EHBP1: variants seen among roughly 807,000 people sequenced by gnomAD.
EHBP1 encodes EH domain binding protein 1, also known as EH domain-binding protein 1.
In EHBP1, 55 loss-of-function variants were observed where a neutral mutation model predicts 144.0. The observed-to-expected ratio is 0.38, with a 90% CI of 0.31 to 0.48. EHBP1 has a LOEUF of 0.48. Among genes scored for constraint, EHBP1 ranks in the 20% least tolerant of loss-of-function variants. The pLI is 0.98. For synonymous variants in EHBP1, 469 were observed against 472.7 expected, an observed-to-expected ratio of 0.99 and a Z score of 0.10; for missense variants, 1,200 against 1,364.2, an observed-to-expected ratio of 0.88 and a Z score of 1.90.
At chr2:63,031,251 G>A (rs1276493419) in intron 19 of EHBP1, among the ~76,000 whole-genome samples, 1 of 152,172 alleles carries the variant, frequency 6.6e-6, no homozygotes, top group Non-Finnish European at 1.5e-5. Context: ...GAGTCAGCCA[G>A]ATGCAGCCCA....
At chr2:62,911,021 G>A (rs754607136) in intron 10 of EHBP1, among the ~76,000 whole-genome samples, 2 of 152,130 alleles carry the variant, frequency 1.3e-5, no homozygotes, top group African/African-American at 2.4e-5. Context: ...GCTTTCATAC[G>A]ATGTTCTTTC....
chr2:62,928,951 A>G (rs2055758511), intron 10 of EHBP1, among the ~76,000 whole-genome samples: 1 of 152,148 alleles, frequency 6.6e-6, no homozygotes, highest in Admixed American at 6.5e-5. Flanking sequence ...AGAAAGTACT[A>G]AGTAATTCTA....
chr2:62,938,915 G>A (rs1469684513), intron 10 of EHBP1, among the ~76,000 whole-genome samples: 1 of 152,142 alleles, frequency 6.6e-6, no homozygotes, highest in Admixed American at 6.6e-5. Flanking sequence ...AATTCCTGCT[G>A]ATAATGCATT....
intron 5 of EHBP1, among the ~76,000 whole-genome samples, chr2:62,809,831 T>TAGCCTCC (rs1233919173): frequency 5.3e-5 from 8 of 152,200 alleles, no homozygotes; most frequent in Admixed American, 3.3e-4. Flanking sequence ...ACCTAGCCTC[T>TAGCCTCC]ACAAAATACC....
intron 13 of EHBP1, among the ~76,000 whole-genome samples, chr2:62,949,494 G>T (rs2057265199): frequency 6.6e-6 from 1 of 152,000 alleles, no homozygotes; most frequent in Non-Finnish European, 1.5e-5. Flanking sequence ...AACACTGAAG[G>T]ATATTGTGTA....
chr2:62,997,458 G>T (rs2059686054), intron 19 of EHBP1, among the ~76,000 whole-genome samples: 1 of 151,324 alleles, frequency 6.6e-6, no homozygotes, highest in African/African-American at 2.4e-5. Flanking sequence ...GTGTGTGTGT[G>T]TGTGTGTGTG....
chr2:62,765,511 C>T (rs898376041), intron 4 of EHBP1, among the ~76,000 whole-genome samples: 1 of 152,040 alleles, frequency 6.6e-6, no homozygotes, highest in African/African-American at 2.4e-5. Flanking sequence ...AGTGCCTACA[C>T]TGAATTAACA....
chr2:62,798,587 C>T (rs542602581), intron 5 of EHBP1, among the ~76,000 whole-genome samples: 2 of 152,234 alleles, frequency 1.3e-5, no homozygotes, highest in East Asian at 3.9e-4. Context: ...TAATAATACA[C>T]CTATTTCATA....
chr2:62,820,221 A>C (rs999468476), intron 5 of EHBP1, among the ~76,000 whole-genome samples: 4 of 149,484 alleles, frequency 2.7e-5, no homozygotes, highest in Non-Finnish European at 6.0e-5. Flanking sequence ...TCAAAAAAAA[A>C]AAAGAAAAAA....
At chr2:62,842,791 A>C (rs1167344247) in intron 7 of EHBP1, among the ~76,000 whole-genome samples, 1 of 152,218 alleles carries the variant, frequency 6.6e-6, no homozygotes, top group Non-Finnish European at 1.5e-5. Flanking sequence ...GGTACTTTTA[A>C]GTAGGAATTT....
intron 19 of EHBP1, among the ~76,000 whole-genome samples, chr2:63,031,973 A>G (rs2061268069): frequency 6.6e-6 from 1 of 152,138 alleles, no homozygotes; most frequent in Non-Finnish European, 1.5e-5. Flanking sequence ...ATAAGTAAAT[A>G]TAAATAATTT....
rs112108167 is a variant in EHBP1 at position 62,993,712 on chromosome 2, A to G, written c.2872+44A>G. Reference sequence around the variant, plus strand: ...TGTTTTTCCATGTTATGGTTTAACTATATATAGATATCTATATATAGTATA... The same window carrying G: ...TGTTTTTCCATGTTATGGTTTAACTGTATATAGATATCTATATATAGTATA... On this transcript the variant is annotated intron_variant, in intron 17 of 22. Coordinates refer to ENST00000431489, the MANE Select transcript of EHBP1 (RefSeq NM_001142616.3). 9 of 1,157,648 alleles carry G rather than the reference A, an allele frequency of 7.8e-6. No individual in the cohort carries two copies. In the South Asian group the frequency reaches 1.7e-4, roughly 22 times the overall value. The allele number at this position is 1,157,648 out of a possible 1,614,324, so 71.7% of individuals were successfully genotyped here.
chr2:62,783,561 C>G (rs1414063828), intron 5 of EHBP1, among the ~76,000 whole-genome samples: 1 of 152,258 alleles, frequency 6.6e-6, no homozygotes, highest in Non-Finnish European at 1.5e-5. Context: ...ACAGGCCCAA[C>G]ACCACGTAGA....
intron 7 of EHBP1, chr2:62,858,572 C>T (rs1392777215): frequency 4.8e-6 from 5 of 1,048,164 alleles, no homozygotes; most frequent in African/African-American, 4.7e-5. Flanking sequence ...TGACCTGCTA[C>T]CTCTTGACTT....
intron 5 of EHBP1, among the ~76,000 whole-genome samples, chr2:62,773,925 T>C (rs1459586593): frequency 7.7e-6 from 1 of 130,060 alleles, no homozygotes; most frequent in Non-Finnish European, 1.6e-5. Context: ...CCATCAACTA[T>C]ACAGAAGAAA....
intron 10 of EHBP1, among the ~76,000 whole-genome samples, chr2:62,924,133 G>A (rs2055314314): frequency 6.6e-6 from 1 of 152,166 alleles, no homozygotes; most frequent in Non-Finnish European, 1.5e-5. Context: ...TATCATGCCT[G>A]AGAAACAGCC....
intron 5 of EHBP1, among the ~76,000 whole-genome samples, chr2:62,786,804 G>A (rs1196905001): frequency 2.6e-5 from 4 of 152,198 alleles, no homozygotes; most frequent in Non-Finnish European, 4.4e-5. Context: ...GTTGCAGGCA[G>A]CAGCAGTTTG....
At chr2:62,852,926 A>G (rs1157875735) in intron 7 of EHBP1, among the ~76,000 whole-genome samples, 2 of 152,190 alleles carry the variant, frequency 1.3e-5, no homozygotes, top group East Asian at 3.8e-4. Context: ...AAGTCTGACT[A>G]TTTAGCTCCT....
intron 21 of EHBP1, among the ~76,000 whole-genome samples, chr2:63,043,212 A>G (rs2061749671): frequency 3.3e-5 from 5 of 152,180 alleles, no homozygotes; most frequent in Admixed American, 3.3e-4. Context: ...AGATTAAAAA[A>G]TTTTCCAGCA....
Sources: allele counts gnomAD v4.1 joint callset (sites outside exome capture counted in the v4.1 genomes callset), GRCh38; gene constraint gnomAD v4.1.1; transcripts MANE v1.5; gene names NCBI Gene and HGNC (gene_info 2026-07-23, HGNC 2026-07-21).